Variants in WWP1 observed in about 807,000 individuals in gnomAD.
WWP1 encodes WW domain containing E3 ubiquitin protein ligase 1.
In WWP1, 49 loss-of-function variants were observed where a neutral mutation model predicts 130.6. The observed-to-expected ratio is 0.38, with a 90% CI of 0.30 to 0.48. The LOEUF is 0.48. WWP1 is among the 20% of genes least tolerant of loss of function. The probability of loss-of-function intolerance (pLI) is 0.99; values close to 1 mark genes in which losing one functional copy is unlikely to be tolerated. For synonymous variants in WWP1, 332 were observed against 367.8 expected (o/e 0.90, Z 1.11); for missense variants, 809 against 1,100.6 (o/e 0.74, Z 3.75).
chr8:86,465,720 G>T (rs1433464162), intron 24 of WWP1, among the ~76,000 whole-genome samples: 1 of 152,126 alleles, frequency 6.6e-6, no homozygotes, highest in African/African-American at 2.4e-5. Context: ...GAAAGTGACT[G>T]GTTGTCTTGT....
At chr8:86,372,996 T>G (rs1263865285) in intron 2 of WWP1, among the ~76,000 whole-genome samples, 1 of 151,740 alleles carries the variant, frequency 6.6e-6, no homozygotes, top group African/African-American at 2.4e-5. Flanking sequence ...TCTTTAAGGC[T>G]ATAAATTTGC....
chr8:86,373,885 T>C, intron 2 of WWP1, 145 bp from the exon 3 acceptor site: 1 of 559,548 alleles, frequency 1.8e-6, no homozygotes, highest in East Asian at 3.2e-5. Flanking sequence ...ACTTTAGGGT[T>C]TTCTTTTAAT....
chr8:86,369,881 C>T (rs577252865), intron 2 of WWP1, among the ~76,000 whole-genome samples: 13 of 152,060 alleles, frequency 8.5e-5, no homozygotes, highest in Non-Finnish European at 1.0e-4. Context: ...TATCTACTTC[C>T]GTGCCTTCCA....
At chr8:86,363,363 T>G (rs1289900075) in intron 1 of WWP1, among the ~76,000 whole-genome samples, 2 of 152,182 alleles carry the variant, frequency 1.3e-5, no homozygotes, top group Non-Finnish European at 2.9e-5. Flanking sequence ...TTCCTTGAAC[T>G]TTTAGTTTGA....
intron 9 of WWP1, among the ~76,000 whole-genome samples, chr8:86,413,913 T>G (rs1808726060): frequency 6.6e-6 from 1 of 151,980 alleles, no homozygotes; most frequent in Admixed American, 6.6e-5. Flanking sequence ...AGTTAAGGAG[T>G]TGGGATAGCA....
chr8:86,453,978 G>T (rs1363973745), intron 21 of WWP1, among the ~76,000 whole-genome samples: 1 of 152,032 alleles, frequency 6.6e-6, no homozygotes, highest in Non-Finnish European at 1.5e-5. Flanking sequence ...AATCAAATGT[G>T]CATATGAAAA....
chr8:86,410,554 TCCCTAGAGATTTC>T (rs1808524919), intron 8 of WWP1, among the ~76,000 whole-genome samples: 1 of 152,128 alleles, frequency 6.6e-6, no homozygotes, highest in African/African-American at 2.4e-5. Context: ...CCCAGGTTCT[TCCCTAGAGATTTC>T]CCCTAGAGAT....
At chr8:86,365,596 G>A (rs901345463) in intron 1 of WWP1, among the ~76,000 whole-genome samples, 2 of 152,194 alleles carry the variant, frequency 1.3e-5, no homozygotes, top group African/African-American at 2.4e-5. Flanking sequence ...TATCAGGAGA[G>A]GGGCATTCTT....
At chr8:86,392,312 T>A (rs1351843195) in intron 5 of WWP1, among the ~76,000 whole-genome samples, 1 of 152,212 alleles carries the variant, frequency 6.6e-6, no homozygotes, top group African/African-American at 2.4e-5. Context: ...AGAAATAGTA[T>A]AGCTAACATA....
At chr8:86,466,078 G>T (rs531121340) in intron 24 of WWP1, among the ~76,000 whole-genome samples, 1 of 152,042 alleles carries the variant, frequency 6.6e-6, no homozygotes, top group Non-Finnish European at 1.5e-5. Flanking sequence ...GCTACTGTAG[G>T]GACCAAAACC....
At chr8:86,399,981 C>T (rs1489902873) in intron 7 of WWP1, among the ~76,000 whole-genome samples, 1 of 152,058 alleles carries the variant, frequency 6.6e-6, no homozygotes, top group African/African-American at 2.4e-5. Context: ...AGACATTAGT[C>T]CAAGTATTAA....
intron 17 of WWP1, among the ~76,000 whole-genome samples, chr8:86,439,528 ATT>A (rs1355078489): frequency 6.6e-6 from 1 of 152,010 alleles, no homozygotes; most frequent in African/African-American, 2.4e-5. Flanking sequence ...GCTGTACAAT[ATT>A]CTGTTGTATG....
At chr8:86,400,550 C>G (rs1313124486) in intron 7 of WWP1, among the ~76,000 whole-genome samples, 1 of 152,044 alleles carries the variant, frequency 6.6e-6, no homozygotes, top group East Asian at 1.9e-4. Context: ...GTGCAGAGTT[C>G]TGAGGGAAGA....
intron 1 of WWP1, among the ~76,000 whole-genome samples, chr8:86,348,118 T>C (rs1413841874): frequency 6.6e-6 from 1 of 152,272 alleles, no homozygotes; most frequent in East Asian, 1.9e-4. Context: ...ATGTATAATG[T>C]AAAACCATAC....
chr8:86,466,213 T>C (rs1467211782), intron 24 of WWP1, among the ~76,000 whole-genome samples: 1 of 152,224 alleles, frequency 6.6e-6, no homozygotes, highest in African/African-American at 2.4e-5. Context: ...AAAATTTTTA[T>C]CAGTTAATAC....
At chr8:86,407,503 C>T (rs1212948164) in intron 8 of WWP1, among the ~76,000 whole-genome samples, 1 of 152,108 alleles carries the variant, frequency 6.6e-6, no homozygotes, top group South Asian at 2.1e-4. Context: ...AATATCTTAC[C>T]TTCTCCTAGT....
intron 24 of WWP1, among the ~76,000 whole-genome samples, chr8:86,465,451 C>T (rs1000333834): frequency 3.3e-5 from 5 of 151,922 alleles, no homozygotes; most frequent in African/African-American, 1.2e-4. Context: ...GACAAAACTT[C>T]GTCTCTACAA....
chr8:86,422,302 C>A (rs1809266638), intron 9 of WWP1, among the ~76,000 whole-genome samples: 1 of 149,812 alleles, frequency 6.7e-6, no homozygotes, highest in African/African-American at 2.5e-5. Context: ...GTGTCTTAAA[C>A]TCAGAAGTAC....
intron 1 of WWP1, among the ~76,000 whole-genome samples, chr8:86,360,445 A>T (rs971804664): frequency 6.6e-5 from 10 of 151,930 alleles, no homozygotes; most frequent in Non-Finnish European, 1.2e-4. Context: ...ACCCCTTTTC[A>T]TAGTTCCTGC....
Sources: gnomAD v4.1 joint callset for allele counts (sites outside exome capture counted in the v4.1 genomes callset) on GRCh38, gnomAD v4.1.1 for gene constraint, MANE v1.5 for transcripts, NCBI Gene and HGNC (gene_info 2026-07-23, HGNC 2026-07-21) for gene names.